The following KCNQ2 variants were observed in gnomAD, a reference collection of about 807,000 sequenced individuals.
KCNQ2 encodes potassium voltage-gated channel subfamily KQT member 2.
A neutral mutation model predicts 84.8 loss-of-function variants in KCNQ2; 14 were observed. That is an observed-to-expected ratio of 0.17 (90% CI 0.11 to 0.26). KCNQ2 has a LOEUF of 0.26. Ranked by LOEUF, KCNQ2 falls within the 10% of genes least tolerant of loss-of-function variation. The probability of loss-of-function intolerance (pLI) is 1.00; values close to 1 mark genes in which losing one functional copy is unlikely to be tolerated. For missense variants in KCNQ2, 788 were observed against 1,254.0 expected (o/e 0.63, Z 5.61); for synonymous variants, 599 against 554.1 (o/e 1.08, Z -1.14).
chr20:63,416,808 A>C (rs1382357206), intron 12 of KCNQ2, among the ~76,000 whole-genome samples: 1 of 151,726 alleles, frequency 6.6e-6, no homozygotes, highest in Non-Finnish European at 1.5e-5. Context: ...ATGAGAGCCC[A>C]CCGCGCCCGT....
intron 1 of KCNQ2, among the ~76,000 whole-genome samples, chr20:63,464,588 G>A (rs953413867): frequency 6.6e-6 from 1 of 152,110 alleles, no homozygotes; most frequent in African/African-American, 2.4e-5. Flanking sequence ...CCCACAGGGA[G>A]CACAGCACAG....
At position 63,403,493 on chromosome 20, in the gene KCNQ2, CTT is replaced by C. The variant is rs2079850406; in HGVS notation, c.*3149_*3150del. 2 of 152,048 alleles carry C rather than the reference CTT, an allele frequency of 1.3e-5. No homozygotes were observed. The highest frequency in any genetic ancestry group is 1.9e-4 in the East Asian group (1 of 5,152). 9.4% of individuals were successfully genotyped at this position (152,048 alleles called of 1,614,324 possible). On this transcript the variant is annotated 3_prime_UTR_variant, in exon 17 of 17. Coordinates refer to ENST00000359125, the MANE Select transcript of KCNQ2 (RefSeq NM_172107.4). ...GTGCATGTGCTGTGTGGCCTATGCA[CTT>C]TGTGTGTGCATGTGTTAGTGCTGTG...
At chr20:63,443,343 TCACCACCAC>T (rs1568937312) in intron 4 of KCNQ2, among the ~76,000 whole-genome samples, 9 of 7,290 alleles carry the variant, frequency 1.2e-3, no homozygotes, top group Admixed American at 6.4e-3. Context: ...ATCACCACCA[TCACCACCAC>T]CACCACCATC....
intron 15 of KCNQ2, chr20:63,412,208 A>G (rs1055760485): frequency 3.6e-6 from 1 of 279,138 alleles, no homozygotes; most frequent in Admixed American, 5.1e-5. Context: ...GGGCAACGGG[A>G]AACGCATTGT....
At chr20:63,466,699 G>C (rs920257027) in intron 1 of KCNQ2, 3 of 152,216 alleles carry the variant, frequency 2.0e-5, no homozygotes, top group Non-Finnish European at 4.4e-5. Context: ...AAGGAAACTC[G>C]GGTCTAGGAG....
At chr20:63,461,362 G>A (rs781561042) in intron 1 of KCNQ2, among the ~76,000 whole-genome samples, 6 of 152,140 alleles carry the variant, frequency 3.9e-5, no homozygotes, top group Admixed American at 2.0e-4. Flanking sequence ...GAGAGAAGCC[G>A]GTCGTGTACC....
chr20:63,457,899 G>A (rs559260480), intron 1 of KCNQ2, among the ~76,000 whole-genome samples: 4 of 152,296 alleles, frequency 2.6e-5, no homozygotes, highest in African/African-American at 4.8e-5. Flanking sequence ...TCAGCTCCCC[G>A]GGCACTGCCT....
intron 6 of KCNQ2, 128 bp downstream of exon 6, chr20:63,439,470 G>C: frequency 4.0e-6 from 3 of 741,170 alleles, no homozygotes; most frequent in Admixed American, 2.0e-5. Context: ...CCTGGGGGCT[G>C]TGGACCTGCT....
chr20:63,406,726 C>T lies in KCNQ2; in HGVS notation c.2537G>A (p.Cys846Tyr). The T allele has an allele frequency of 6.2e-7, 1 of 1,608,374 alleles. No individual in the cohort carries two copies. Among genetic ancestry groups the T allele is most frequent in the Non-Finnish European group, 8.5e-7 (1 of 1,178,456 alleles). The change falls in exon 17 of 17, where the codon TGT (cysteine) becomes TAT (tyrosine). Residue 846 changes from cysteine (C) to tyrosine (Y), a missense_variant. Around this residue, in one of 8 missense-constraint regions of KCNQ2, gnomAD observed 378 missense variants for 434.5 expected, o/e 0.87. Transcript: ENST00000359125. ...GCGTGGCGGGGGCCCGCACGGGGTA[C>T]AGAGGTCGGAGTCGGTGTCTGACTC... The part of the protein sequence containing the change: ...EGESDTDSDL[C>Y]TPCGPPPRSA...
intron 7 of KCNQ2, among the ~76,000 whole-genome samples, chr20:63,437,826 T>G (rs1349649961): frequency 5.3e-5 from 8 of 152,192 alleles, no homozygotes; most frequent in Non-Finnish European, 1.5e-5. Flanking sequence ...CTCTTTTTTT[T>G]TGAGACGGAG....
At position 63,425,079 on chromosome 20, in the gene KCNQ2, C is replaced by T. The variant is rs957192174; in HGVS notation, c.1218-873G>A. ...GGCTGCACCGCCCCGTCTCTGCCTCCGTCTCTACACGACATTCTCTGTGTC... is the reference window on the plus strand; with the variant it reads ...GGCTGCACCGCCCCGTCTCTGCCTCTGTCTCTACACGACATTCTCTGTGTC... On this transcript the variant is annotated intron_variant, in intron 10 of 16. Transcript: ENST00000359125. The surrounding 1 kb of genome is among the most constrained non-coding windows in gnomAD (Gnocchi z 5.5). 2.0e-5 allele frequency among the ~76,000 whole-genome samples: 3 copies of T among 151,798 alleles called. No individual in the cohort carries two copies. Among genetic ancestry groups the T allele is most frequent in the Admixed American group, 6.6e-5 (1 of 15,260 alleles).
rs2081066642 is a variant in KCNQ2 at position 63,438,434 on chromosome 20, C to T, written c.1023+191G>A. The T allele has an allele frequency of 1.5e-6, 1 of 650,820 alleles. No individual in the cohort carries two copies. The highest frequency in any genetic ancestry group is 2.2e-5 in the Admixed American group (1 of 46,354). 40.3% of individuals were successfully genotyped at this position (650,820 alleles called of 1,614,324 possible). On this transcript the variant is annotated intron_variant, in intron 7 of 16. Transcript: ENST00000359125. The surrounding 1 kb of genome is among the most constrained non-coding windows in gnomAD (Gnocchi z 5.1). Reference sequence around the variant, plus strand: ...CCTCACACGAGCCACCCCTGTGCAGCCTCAGGGGTTGGAGCCATTTCTCAA... The same window carrying T: ...CCTCACACGAGCCACCCCTGTGCAGTCTCAGGGGTTGGAGCCATTTCTCAA...
chr20:63,472,236 C>T lies in KCNQ2; in HGVS notation c.228G>A (p.Lys76=), dbSNP rs753535426. ...KPPKRNAFYR[K]LQNFLYNVLE... Reference sequence around the variant, plus strand: ...GCACGTTGTAGAGGAAATTCTGCAGCTTGCGGTAGAAGGCGTTGCGCTTGG... The same window carrying T: ...GCACGTTGTAGAGGAAATTCTGCAGTTTGCGGTAGAAGGCGTTGCGCTTGG... The change falls in exon 1 of 17, where the codon AAG becomes AAA. Residue 76 remains lysine, a synonymous_variant. Transcript: ENST00000359125. The T allele has an allele frequency of 1.9e-6, 3 of 1,543,116 alleles. No individual in the cohort carries two copies. The South Asian group carries it at 3.6e-5, about 19-fold the overall frequency.
At chr20:63,428,777 C>T (rs1374021981) in intron 9 of KCNQ2, among the ~76,000 whole-genome samples, 1 of 152,160 alleles carries the variant, frequency 6.6e-6, no homozygotes, top group Non-Finnish European at 1.5e-5. Context: ...GGAGGCGCTA[C>T]TCCCCCTTCT....
At chr20:63,463,056 T>C (rs1371015976) in intron 1 of KCNQ2, among the ~76,000 whole-genome samples, 1 of 29,262 alleles carries the variant, frequency 3.4e-5, no homozygotes, top group Non-Finnish European at 6.7e-5. Context: ...GTGTCTTTTC[T>C]GTGTGTGTGT....
In KCNQ2 at chr20:63,446,643, G is replaced by C. The variant is rs1012297196; in HGVS notation, c.387+104C>G. The C allele has an allele frequency of 2.1e-6, 2 of 932,438 alleles. No individual in the cohort carries two copies. Among genetic ancestry groups the C allele is most frequent in the African/African-American group, 3.3e-5 (2 of 61,170 alleles). The allele number at this position is 932,438 out of a possible 1,614,324, so 57.8% of individuals were successfully genotyped here. On this transcript the variant is annotated intron_variant, in intron 2 of 16. Coordinates refer to ENST00000359125, the MANE Select transcript of KCNQ2 (RefSeq NM_172107.4). This position sits in a 1 kb window ranked among gnomAD's most constrained non-coding sequence, Gnocchi z 5.5. Reference sequence around the variant, plus strand: ...CAAAGACATGGCCAGAGCTGGGGCTGGGGGCGTCAGAGGCCCTGTAGTAAC... The same window carrying C: ...CAAAGACATGGCCAGAGCTGGGGCTCGGGGCGTCAGAGGCCCTGTAGTAAC...
At chr20:63,462,673 T>C (rs2081985978) in intron 1 of KCNQ2, among the ~76,000 whole-genome samples, 1 of 152,252 alleles carries the variant, frequency 6.6e-6, no homozygotes, top group African/African-American at 2.4e-5. Flanking sequence ...GAATTCATCC[T>C]GCCGACCTGC....
intron 12 of KCNQ2, among the ~76,000 whole-genome samples, chr20:63,416,573 G>A (rs1252215500): frequency 1.3e-5 from 2 of 152,204 alleles, no homozygotes; most frequent in African/African-American, 2.4e-5. Flanking sequence ...CCAGAGCACT[G>A]TTGCTGGAGC....
At chr20:63,419,507 A>G in intron 12 of KCNQ2, 112 bp downstream of exon 12, 1 of 1,092,202 alleles carries the variant, frequency 9.2e-7, no homozygotes. Context: ...GTGGGTCAGA[A>G]TTGGGGTTGG....
Sources: gnomAD v4.1 joint callset for allele counts (sites outside exome capture counted in the v4.1 genomes callset) on GRCh38, gnomAD v4.1.1 for gene constraint, gnomAD v4.1.1 regional missense constraint, Gnocchi (gnomAD v3.1) non-coding constraint, MANE v1.5 for transcripts, NCBI Gene and HGNC (gene_info 2026-07-23, HGNC 2026-07-21) for gene names.